The following EFCAB8 variants were observed in gnomAD, a reference collection of about 807,000 sequenced individuals.
EFCAB8 encodes EF-hand calcium binding domain 8.
A neutral mutation model predicts 116.3 loss-of-function variants in EFCAB8; 100 were observed. The ratio of observed to expected loss-of-function variants is 0.86; its 90% CI spans 0.73 to 1.02. EFCAB8 has a LOEUF of 1.02. EFCAB8 is among the 50% of genes least tolerant of loss of function. The probability of loss-of-function intolerance (pLI) is 0.00; values close to 1 mark genes in which losing one functional copy is unlikely to be tolerated. For missense variants in EFCAB8, 1,320 were observed against 1,416.9 expected (o/e 0.93, Z 1.10); for synonymous variants, 558 against 567.9 (o/e 0.98, Z 0.25).
rs1332397772 is a variant in EFCAB8, at chr20:32,909,851, CA to C, written c.1478del (p.Gln493ArgfsTer29). 2.2e-5 allele frequency: 27 copies of C among 1,249,794 alleles called. No individual in the cohort carries two copies. The highest frequency in any genetic ancestry group is 2.5e-5 in the Non-Finnish European group (25 of 988,258). The allele number at this position is 1,249,794 out of a possible 1,614,324, so 77.4% of individuals were successfully genotyped here. A position where few individuals can be genotyped will look rare whatever the true frequency, so the allele number is the denominator to read the frequency against. On this transcript the variant is annotated frameshift_variant, in exon 15 of 27. Coordinates refer to ENST00000400522, the MANE Select transcript of EFCAB8 (RefSeq NM_001143967.2). LOFTEE classifies it high-confidence loss of function. ...GATCCTAAAAGGGTACTTAGAGGCC[CA>C]GGGGCTTATCAAAGCAAGGAAGAGG... ...IGILKGYLEA[Q>X]GLIKARKRTT...
intron 21 of EFCAB8, among the ~76,000 whole-genome samples, chr20:32,930,842 C>T (rs918439306): frequency 5.9e-5 from 9 of 152,178 alleles, no homozygotes; most frequent in African/African-American, 2.2e-4. Flanking sequence ...ATTCCGTGCT[C>T]CATCACTGTC....
At position 32,959,920 on chromosome 20, in the gene EFCAB8, G is replaced by A. The variant is rs368542932; in HGVS notation, c.3232G>A (p.Gly1078Arg). ...GATGGCCCTGATGTCCCCGTGGGCC[G>A]GAGAGCGCCCCCTGGAAGACATTGA... Reference protein sequence around the residue: ...QKMALMSPWAGERPLEDIEDS... With the variant: ...QKMALMSPWARERPLEDIEDS... Residue 1078 changes from glycine (G) to arginine (R), a missense_variant, in exon 25 of 27, where the codon GGA becomes AGA. By Grantham distance (125) the Gly-to-Arg change is moderately radical. Coordinates refer to ENST00000400522, the MANE Select transcript of EFCAB8 (RefSeq NM_001143967.2). 3.3e-4 allele frequency: 519 copies of A among 1,551,692 alleles called. 1 individual carries two copies. The African/African-American group carries it at 6.3e-3, about 19-fold the overall frequency.
rs915175586 is a variant in EFCAB8 at position 32,863,024 on chromosome 20, T to C, written c.-10-759T>C. Among the ~76,000 whole-genome samples the C allele has an allele frequency of 2.1e-5, 3 of 142,978 alleles. No individual in the cohort carries two copies. In the South Asian group the frequency reaches 6.6e-4, roughly 32 times the overall value. The allele number at this position is 142,978 out of a possible 152,430, so 93.8% of individuals were successfully genotyped here. A position where few individuals can be genotyped will look rare whatever the true frequency, so the allele number is the denominator to read the frequency against. On this transcript the variant is annotated intron_variant, in intron 1 of 26. Coordinates refer to ENST00000400522, the MANE Select transcript of EFCAB8 (RefSeq NM_001143967.2). ...TTTTTGCTGCCAATTTTTTTTTTTT[T>C]CCTTCTCTGCCATGATTCCTCCCTC...
intron 4 of EFCAB8, 30 bp downstream of exon 4, chr20:32,876,074 G>T: frequency 6.5e-7 from 1 of 1,536,292 alleles, no homozygotes; most frequent in Non-Finnish European, 8.8e-7. Flanking sequence ...TTCCTCAGGT[G>T]CTGGAGGGAG....
rs1205933769 is a variant in EFCAB8, at chr20:32,959,846, TG to T, written c.3159del (p.His1054MetfsTer19). On this transcript the variant is annotated frameshift_variant, in exon 25 of 27. Transcript: ENST00000400522. LOFTEE classifies it high-confidence loss of function. ...GAGCAGGCGGCGCTGATGGCTCTCC[TG>T]CATGGGAAGGCAGATAAGGAGGCAG... ...RREQAALMAL[L>X]HGKADKEADT... 1 of 1,548,444 alleles carries T rather than the reference TG, an allele frequency of 6.5e-7. No homozygotes were observed. Among genetic ancestry groups the T allele is most frequent in the South Asian group, 1.2e-5 (1 of 83,684 alleles).
chr20:32,948,566 A>AAGAAAGAAAG (rs1555871341), intron 23 of EFCAB8, among the ~76,000 whole-genome samples: 34 of 150,306 alleles, frequency 2.3e-4, no homozygotes, highest in African/African-American at 8.5e-4. Context: ...GAAAGAAAGA[A>AAGAAAGAAAG]AGAAAGAAAG....
At chr20:32,881,011 A>C (rs1985306965) in intron 5 of EFCAB8, among the ~76,000 whole-genome samples, 1 of 152,220 alleles carries the variant, frequency 6.6e-6, no homozygotes, top group African/African-American at 2.4e-5. Flanking sequence ...ACATTCCTAG[A>C]GTCCCATTTA....
chr20:32,906,525 TC>T, intron 11 of EFCAB8, 36 bp from the exon 12 acceptor site: 1 of 718,118 alleles, frequency 1.4e-6, no homozygotes, highest in Non-Finnish European at 2.6e-6. Flanking sequence ...GGGCCACTGC[TC>T]CCGGCCCTGC....
At chr20:32,939,130 T>C (rs1359423803) in intron 22 of EFCAB8, among the ~76,000 whole-genome samples, 3 of 16,816 alleles carry the variant, frequency 1.8e-4, no homozygotes, top group South Asian at 1.9e-3. Context: ...TCTTTCTCTT[T>C]CTTTCTTTCT....
rs184764013 is a variant in EFCAB8 at position 32,885,941 on chromosome 20, T to C, written c.567+301T>C. On this transcript the variant is annotated intron_variant, in intron 6 of 26. Coordinates refer to ENST00000400522, the MANE Select transcript of EFCAB8 (RefSeq NM_001143967.2). ...GCCCACCAGGTTTCCTTCTCTTGCG[T>C]CCCCATCTCAGTGAATGGCATTGTC... Among the ~76,000 whole-genome samples, 615 of 152,322 alleles carry C rather than the reference T, an allele frequency of 4.0e-3. 5 individuals carry two copies. Among genetic ancestry groups the C allele is most frequent in the African/African-American group, 0.014 (596 of 41,570 alleles).
chr20:32,890,661 T>C (rs1265246192), intron 7 of EFCAB8, among the ~76,000 whole-genome samples: 1 of 152,214 alleles, frequency 6.6e-6, no homozygotes, highest in African/African-American at 2.4e-5. Context: ...CAGCTGGTGA[T>C]GTGAGGCTGA....
At position 32,943,673 on chromosome 20, in the gene EFCAB8, C is replaced by A. The variant is rs543643517; in HGVS notation, c.2828C>A (p.Thr943Lys). The change falls in exon 23 of 27, where the codon ACG (threonine) becomes AAG (lysine). Residue 943 changes from threonine (T) to lysine (K), a missense_variant. Thr to Lys is a moderately conservative substitution (Grantham distance 78). Coordinates refer to ENST00000400522, the MANE Select transcript of EFCAB8 (RefSeq NM_001143967.2). ...AGHTISLVPP[T>K]LLMTWKGHLN... ...CATACCATTTCCCTGGTTCCCCCCA[C>A]GCTCCTGATGACCTGGAAAGGCCAT... The A allele has an allele frequency of 4.8e-6, 2 of 417,072 alleles. No individual in the cohort carries two copies. The highest frequency in any genetic ancestry group is 8.8e-6 in the Non-Finnish European group (2 of 226,676). 25.8% of individuals were successfully genotyped at this position (417,072 alleles called of 1,614,324 possible). A position where few individuals can be genotyped will look rare whatever the true frequency, so the allele number is the denominator to read the frequency against.
intron 19 of EFCAB8, 112 bp from the exon 20 acceptor site, chr20:32,919,966 T>C: frequency 7.3e-7 from 1 of 1,363,588 alleles, no homozygotes; most frequent in Admixed American, 2.1e-5. Flanking sequence ...CCAGTGTACC[T>C]ACTGCGGGGG....
chr20:32,885,661 T>C, intron 6 of EFCAB8, 21 bp downstream of exon 6: 1 of 1,551,564 alleles, frequency 6.4e-7, no homozygotes, highest in South Asian at 1.2e-5. Context: ...CCCCTACACA[T>C]GGTGCACACA....
At chr20:32,916,080 G>A (rs1443610038) in intron 17 of EFCAB8, among the ~76,000 whole-genome samples, 1 of 152,158 alleles carries the variant, frequency 6.6e-6, no homozygotes, top group Non-Finnish European at 1.5e-5. Flanking sequence ...TGTTATAACA[G>A]AATACCATAG....
chr20:32,919,973 G>A, intron 19 of EFCAB8, 105 bp from the exon 20 acceptor site: 3 of 1,431,484 alleles, frequency 2.1e-6, no homozygotes, highest in African/African-American at 1.4e-5. Flanking sequence ...ACCTACTGCG[G>A]GGGCTTGGGA....
chr20:32,898,398 G>A, intron 10 of EFCAB8, 95 bp from the exon 11 acceptor site: 1 of 648,982 alleles, frequency 1.5e-6, no homozygotes, highest in Non-Finnish European at 2.9e-6. Flanking sequence ...TGATCTCTGG[G>A]CACCTCCAGT....
rs774389667 is a variant in EFCAB8, at chr20:32,885,510, A to G, written c.437A>G (p.His146Arg). Residue 146 changes from histidine to arginine, a missense_variant, in exon 6 of 27, where the codon CAT becomes CGT. Coordinates refer to ENST00000400522, the MANE Select transcript of EFCAB8 (RefSeq NM_001143967.2). ...YLPMTVVPLNHGCEVVKVVFL... is the reference protein window; with the variant it reads ...YLPMTVVPLNRGCEVVKVVFL... Reference sequence around the variant, plus strand: ...TCTTTCATCGCCTCCCACAGGAACCATGGCTGTGAGGTGGTGAAGGTGGTG... The same window carrying G: ...TCTTTCATCGCCTCCCACAGGAACCGTGGCTGTGAGGTGGTGAAGGTGGTG... 2.6e-6 allele frequency: 4 copies of G among 1,551,604 alleles called. No individual in the cohort carries two copies. In the South Asian group the frequency reaches 3.6e-5, roughly 14 times the overall value.
chr20:32,923,492 A>C (rs1024656507), intron 20 of EFCAB8, among the ~76,000 whole-genome samples: 27 of 151,976 alleles, frequency 1.8e-4, no homozygotes, highest in South Asian at 4.2e-4. Context: ...CTCCAAAACA[A>C]CACCACCACC....
Sources: gnomAD v4.1 joint callset for allele counts (sites outside exome capture counted in the v4.1 genomes callset) on GRCh38, gnomAD v4.1.1 for gene constraint, MANE v1.5 for transcripts, NCBI Gene and HGNC (gene_info 2026-07-23, HGNC 2026-07-21) for gene names.